The following SYT14 variants were observed in gnomAD, a reference collection of about 807,000 sequenced individuals.
SYT14 encodes the protein synaptotagmin 14.
Under a neutral mutation model 74.2 loss-of-function variants are expected in SYT14, and 32 were observed. The ratio of observed to expected loss-of-function variants is 0.43; its 90% confidence interval spans 0.33 to 0.58. SYT14 has a LOEUF of 0.58. SYT14 is among the 20% of genes least tolerant of loss of function. The pLI is 0.05. For missense variants in SYT14, 791 were observed against 981.8 expected, an observed-to-expected ratio of 0.81 and a Z score of 2.60; for synonymous variants, 298 against 337.7, an observed-to-expected ratio of 0.88 and a Z score of 1.29.
intron 4 of SYT14, among the ~76,000 whole-genome samples, chr1:210,019,423 C>A (rs552974762): frequency 1.3e-5 from 2 of 152,274 alleles, no homozygotes; most frequent in Admixed American, 1.3e-4. Flanking sequence ...CATATAGTAA[C>A]CGCTAGCTGC....
chr1:210,107,171 G>A (rs2082173263), intron 7 of SYT14, among the ~76,000 whole-genome samples: 1 of 152,208 alleles, frequency 6.6e-6, no homozygotes, highest in Non-Finnish European at 1.5e-5. Flanking sequence ...CACAGCCTTG[G>A]GCACCCCTGA....
At chr1:210,076,214 A>G (rs566919382) in intron 5 of SYT14, among the ~76,000 whole-genome samples, 7 of 152,312 alleles carry the variant, frequency 4.6e-5, no homozygotes, top group South Asian at 2.1e-4. Context: ...CATGATTAAT[A>G]TTGATTACTA....
At chr1:209,953,893 A>G (rs1185953408) in intron 2 of SYT14, among the ~76,000 whole-genome samples, 2 of 152,210 alleles carry the variant, frequency 1.3e-5, no homozygotes, top group African/African-American at 2.4e-5. Context: ...TTCTCATGCT[A>G]TAACTATTGT....
rs922240871 is a variant in SYT14 at position 210,016,702 on chromosome 1, A to G, written c.699A>G (p.Val233=). Reference sequence around the variant, plus strand: ...AGGAATATTCTAAATCTCGACATGTATATTTGGGAAGAGATCAAGAGAATA... The same window carrying G: ...AGGAATATTCTAAATCTCGACATGTGTATTTGGGAAGAGATCAAGAGAATA... The change falls in exon 4 of 10, where the codon GTA becomes GTG. Residue 233 remains valine (V), a synonymous_variant. Coordinates refer to ENST00000637265, the Ensembl canonical transcript of SYT14. The G allele has an allele frequency of 3.3e-5, 41 of 1,231,770 alleles. No individual in the cohort carries two copies. In the South Asian group the frequency reaches 1.5e-3, roughly 44 times the overall value. The allele number at this position is 1,231,770 out of a possible 1,614,324, so 76.3% of individuals were successfully genotyped here.
At chr1:209,981,418 C>A (rs1299937582) in intron 2 of SYT14, among the ~76,000 whole-genome samples, 1 of 125,194 alleles carries the variant, frequency 8.0e-6, no homozygotes, top group South Asian at 2.8e-4. Flanking sequence ...GTTGAAATTT[C>A]TTTTCTTTCT....
intron 2 of SYT14, among the ~76,000 whole-genome samples, chr1:209,960,190 A>G (rs1004099020): frequency 6.6e-6 from 1 of 152,258 alleles, no homozygotes; most frequent in South Asian, 2.1e-4. Flanking sequence ...GTCCTGGCCT[A>G]TTAGTATTTT....
intron 5 of SYT14, among the ~76,000 whole-genome samples, chr1:210,059,451 T>TATATATATATATAGAG (rs377050610): frequency 1.7e-3 from 120 of 69,888 alleles, no homozygotes; most frequent in African/African-American, 3.3e-3. Flanking sequence ...TATATATATA[T>TATATATATATATAGAG]AGAGAGAGAG....
intron 2 of SYT14, among the ~76,000 whole-genome samples, chr1:209,999,177 G>A (rs1351433413): frequency 6.6e-6 from 1 of 151,984 alleles, no homozygotes; most frequent in Non-Finnish European, 1.5e-5. Context: ...GATCATCAGG[G>A]AAATGCAAAC....
intron 7 of SYT14, among the ~76,000 whole-genome samples, chr1:210,116,383 C>G (rs6656855): frequency 0.67 from 101,689 of 152,118 alleles, 35,010 homozygotes; most frequent in East Asian, 0.85. Flanking sequence ...TCTGTTTCCA[C>G]GCTGGAGTGC....
At chr1:210,025,709 A>G (rs1417261843) in intron 5 of SYT14, among the ~76,000 whole-genome samples, 2 of 152,088 alleles carry the variant, frequency 1.3e-5, no homozygotes, top group Non-Finnish European at 2.9e-5. Flanking sequence ...ACTGCCATTT[A>G]TTGAGTTCCT....
chr1:210,155,710 A>C lies in SYT14; in HGVS notation c.2035-11A>C. 1 of 1,613,766 alleles carries C rather than the reference A, an allele frequency of 6.2e-7. No homozygotes were observed. Among genetic ancestry groups the C allele is most frequent in the Non-Finnish European group, 8.5e-7 (1 of 1,179,802 alleles). Reference sequence around the variant, plus strand: ...TGCAAAATACTATAAAAATGTTATTATTGATTACAGGGCTGTGACTCCCAA... The same window carrying C: ...TGCAAAATACTATAAAAATGTTATTCTTGATTACAGGGCTGTGACTCCCAA... On this transcript the variant is annotated splice_polypyrimidine_tract_variant and intron_variant, in intron 7 of 9. Coordinates refer to ENST00000637265, the Ensembl canonical transcript of SYT14.
At chr1:210,119,946 G>A (rs556381934) in intron 7 of SYT14, among the ~76,000 whole-genome samples, 1 of 152,072 alleles carries the variant, frequency 6.6e-6, no homozygotes, top group Admixed American at 6.6e-5. Flanking sequence ...GATAAAACGG[G>A]TGTCCTTAAT....
chr1:210,109,315 C>G (rs866663059), intron 7 of SYT14, among the ~76,000 whole-genome samples: 1 of 152,060 alleles, frequency 6.6e-6, no homozygotes, highest in African/African-American at 2.4e-5. Flanking sequence ...CGCGTTGGCT[C>G]ACACCTGTAA....
chr1:209,994,073 G>A (rs749908819), intron 2 of SYT14, among the ~76,000 whole-genome samples: 1 of 152,086 alleles, frequency 6.6e-6, no homozygotes, highest in Non-Finnish European at 1.5e-5. Context: ...CTAGAACTCT[G>A]GCAATTCAAA....
intron 7 of SYT14, among the ~76,000 whole-genome samples, chr1:210,141,636 T>C (rs1381280535): frequency 2.0e-5 from 3 of 152,212 alleles, no homozygotes. Flanking sequence ...ATTATTGTCA[T>C]GTGCATCTCA....
At chr1:209,965,488 T>TAG (rs1367169745) in intron 2 of SYT14, among the ~76,000 whole-genome samples, 1 of 152,242 alleles carries the variant, frequency 6.6e-6, no homozygotes. Flanking sequence ...ATGCCATGTC[T>TAG]TTGCTATTCT....
chr1:210,171,046 A>C (rs550697779), exon 10 of SYT14: 37 of 152,328 alleles, frequency 2.4e-4, no homozygotes, highest in African/African-American at 8.4e-4. Context: ...GTTGTCATTC[A>C]TATCAGTATT....
intron 5 of SYT14, among the ~76,000 whole-genome samples, chr1:210,028,223 A>G (rs1183665958): frequency 6.8e-6 from 1 of 146,294 alleles, no homozygotes; most frequent in Admixed American, 6.8e-5. Flanking sequence ...TCCATGTTGT[A>G]GCATGTATCA....
rs545790957 is a variant in SYT14 at position 210,075,077 on chromosome 1, T to C, written c.1313-19245T>C. The stretch of plus-strand genomic sequence containing the variant: ...GATGGGATAGCCAGAAGGGAGATGG[T>C]TTTCCCCTGGAGTCCGACCGCTCAG... On this transcript the variant is annotated intron_variant, in intron 5 of 9. Coordinates refer to ENST00000637265, the Ensembl canonical transcript of SYT14. 2.6e-5 allele frequency among the ~76,000 whole-genome samples: 4 copies of C among 152,218 alleles called. No homozygotes were observed. In the South Asian group the frequency reaches 8.3e-4, roughly 32 times the overall value.
Sources: gnomAD v4.1 joint callset for allele counts (sites outside exome capture counted in the v4.1 genomes callset) on GRCh38, gnomAD v4.1.1 for gene constraint, MANE v1.5 for transcripts, NCBI Gene and HGNC (gene_info 2026-07-23, HGNC 2026-07-21) for gene names.